Variants in LRRC37A2 observed in about 807,000 individuals in gnomAD.
LRRC37A2 encodes leucine rich repeat containing 37 member A2, also known as leucine-rich repeat-containing protein 37A2.
A neutral mutation model predicts 68.8 loss-of-function variants in LRRC37A2; 9 were observed. The observed-to-expected ratio is 0.13, with a 90% CI of 0.08 to 0.23. The LOEUF (loss-of-function observed/expected upper bound fraction) is 0.23, where lower values mean the gene tolerates loss of function less well. Ranked by LOEUF, LRRC37A2 falls within the 10% of genes least tolerant of loss-of-function variation. The probability of loss-of-function intolerance (pLI) is 1.00; values close to 1 mark genes in which losing one functional copy is unlikely to be tolerated. For synonymous variants in LRRC37A2, 63 were observed against 367.6 expected, an observed-to-expected ratio of 0.17 and a Z score of 9.48; for missense variants, 168 against 950.4, an observed-to-expected ratio of 0.18 and a Z score of 10.82.
the LRRC37A2 span, among the ~76,000 whole-genome samples, chr17:46,657,970 A>T: frequency 1.5e-3 from 22 of 14,852 alleles, no homozygotes; most frequent in African/African-American, 3.3e-3. Flanking sequence ...TATTTTATTT[A>T]TTTTTTTTTT....
the LRRC37A2 span, among the ~76,000 whole-genome samples, chr17:46,669,675 CATGT>C: frequency 1.7e-4 from 16 of 96,022 alleles, no homozygotes; most frequent in African/African-American, 6.2e-4. Flanking sequence ...CCTAGAGCGG[CATGT>C]ATTTCCTGAT....
the LRRC37A2 span, among the ~76,000 whole-genome samples, chr17:46,895,576 A>G: frequency 2.3e-4 from 35 of 152,326 alleles, no homozygotes; most frequent in African/African-American, 7.9e-4. Flanking sequence ...GGTTCTCTCA[A>G]TAGGCCTCTA....
the LRRC37A2 span, among the ~76,000 whole-genome samples, chr17:46,895,404 G>A: frequency 6.6e-6 from 1 of 152,236 alleles, no homozygotes; most frequent in Non-Finnish European, 1.5e-5. Flanking sequence ...TTTGTGTTAT[G>A]AGGACGGAAC....
the LRRC37A2 span, among the ~76,000 whole-genome samples, chr17:46,724,133 A>G: frequency 1.8e-4 from 27 of 152,228 alleles, no homozygotes; most frequent in African/African-American, 6.5e-4. Context: ...TCTGCTTAGA[A>G]CACTTTCTTC....
the LRRC37A2 span, among the ~76,000 whole-genome samples, chr17:46,889,913 A>G: frequency 6.6e-6 from 1 of 152,194 alleles, no homozygotes. Context: ...ACACACCTAC[A>G]TCGCAAGGAT....
chr17:47,018,018 C>T, the LRRC37A2 span: 9 of 1,500,422 alleles, frequency 6.0e-6, no homozygotes, highest in Middle Eastern at 2.0e-4. Context: ...TCTAACTCTA[C>T]CGAATCATGA....
chr17:46,720,623 T>C, the LRRC37A2 span, among the ~76,000 whole-genome samples: 2 of 152,268 alleles, frequency 1.3e-5, no homozygotes, highest in African/African-American at 4.8e-5. Context: ...TTTGCTCATT[T>C]ACGTTTTTAT....
chr17:46,784,323 G>T, the LRRC37A2 span, among the ~76,000 whole-genome samples: 28 of 152,164 alleles, frequency 1.8e-4, 1 homozygote, highest in Non-Finnish European at 5.9e-5. Context: ...GAAGTGCGTG[G>T]GGCCAGAGGG....
chr17:46,908,678 C>T, the LRRC37A2 span, among the ~76,000 whole-genome samples: 1 of 152,268 alleles, frequency 6.6e-6, no homozygotes, highest in Non-Finnish European at 1.5e-5. Context: ...ATGCTGGGAG[C>T]AGGGGAAGAC....
chr17:46,958,916 A>G, the LRRC37A2 span, among the ~76,000 whole-genome samples: 1 of 152,244 alleles, frequency 6.6e-6, no homozygotes, highest in African/African-American at 2.4e-5. Context: ...ACCTACCTCC[A>G]AGAACTATTA....
chr17:46,932,023 G>T, the LRRC37A2 span: 3 of 1,600,752 alleles, frequency 1.9e-6, no homozygotes, highest in South Asian at 2.2e-5. Context: ...AGATTCTGCT[G>T]CCCTGAGTTC....
upstream of LRRC37A2, among the ~76,000 whole-genome samples, chr17:46,510,066 CG>C (rs1307722800): frequency 2.3e-3 from 80 of 34,902 alleles, 10 homozygotes; most frequent in African/African-American, 8.3e-3. Flanking sequence ...AGGGTATTTC[CG>C]GGGCTTTTCC....
At chr17:46,959,278 A>T in the LRRC37A2 span, among the ~76,000 whole-genome samples, 858 of 152,346 alleles carry the variant, frequency 5.6e-3, 8 homozygotes, top group African/African-American at 0.018. Flanking sequence ...AAACATTTTT[A>T]ATCACACACC....
At chr17:46,739,292 A>T in the LRRC37A2 span, among the ~76,000 whole-genome samples, 1 of 139,056 alleles carries the variant, frequency 7.2e-6, no homozygotes, top group Non-Finnish European at 1.5e-5. Context: ...AATCGCTTGA[A>T]CCCAGGAGGT....
chr17:46,667,052 G>GT, the LRRC37A2 span, among the ~76,000 whole-genome samples: 1 of 122,898 alleles, frequency 8.1e-6, no homozygotes, highest in African/African-American at 2.9e-5. Flanking sequence ...TTATTTGGAA[G>GT]TTTTTTGGTA....
chr17:46,899,137 C>T, the LRRC37A2 span, among the ~76,000 whole-genome samples: 63 of 152,224 alleles, frequency 4.1e-4, no homozygotes, highest in African/African-American at 1.3e-3. Flanking sequence ...CACTCATAAT[C>T]GCAGCACTAT....
chr17:46,909,093 C>A, the LRRC37A2 span, among the ~76,000 whole-genome samples: 1 of 152,190 alleles, frequency 6.6e-6, no homozygotes, highest in South Asian at 2.1e-4. Flanking sequence ...ACTCTGTCAC[C>A]CAGGCTGGAG....
chr17:46,816,445 A>T, the LRRC37A2 span, among the ~76,000 whole-genome samples: 1 of 144,406 alleles, frequency 6.9e-6, no homozygotes, highest in South Asian at 2.3e-4. Context: ...TATAGAAAAC[A>T]CCTCTTAGGG....
the LRRC37A2 span, among the ~76,000 whole-genome samples, chr17:46,917,568 C>A: frequency 6.6e-6 from 1 of 152,228 alleles, no homozygotes; most frequent in East Asian, 1.9e-4. Context: ...ATTGAGTCTC[C>A]TGCCTACAGT....
Sources: allele counts gnomAD v4.1 joint callset (sites outside exome capture counted in the v4.1 genomes callset), GRCh38; gene constraint gnomAD v4.1.1; transcripts MANE v1.5; gene names NCBI Gene and HGNC (gene_info 2026-07-23, HGNC 2026-07-21).